Variants in SDK1 observed in about 807,000 individuals in gnomAD.
The protein encoded by SDK1 is sidekick cell adhesion molecule 1, also known as protein sidekick-1.
A neutral mutation model predicts 245.5 loss-of-function variants in SDK1; 157 were observed. That is an observed-to-expected ratio of 0.64 (90% confidence interval 0.56 to 0.73). The LOEUF is 0.73. Ranked by LOEUF, SDK1 falls within the 30% of genes least tolerant of loss-of-function variation. The pLI, the probability that SDK1 is intolerant of heterozygous loss-of-function variation, is 0.00. For missense variants in SDK1, 3,583 were observed against 3,002.3 expected (o/e 1.19, Z -4.52); for synonymous variants, 1,647 against 1,278.5 (o/e 1.29, Z -6.15).
At chr7:3,371,573 G>A (rs1251898829) in intron 1 of SDK1, among the ~76,000 whole-genome samples, 5 of 152,126 alleles carry the variant, frequency 3.3e-5, no homozygotes, top group African/African-American at 1.2e-4. Flanking sequence ...AGAATGCGAG[G>A]AAACCAAAAC....
At chr7:4,091,489 C>T (rs1342017437) in intron 22 of SDK1, among the ~76,000 whole-genome samples, 4 of 151,768 alleles carry the variant, frequency 2.6e-5, no homozygotes, top group African/African-American at 7.3e-5. Context: ...ATGATAGGCA[C>T]GTACCACCAC....
intron 5 of SDK1, among the ~76,000 whole-genome samples, chr7:3,913,363 G>C (rs409171): frequency 6.7e-6 from 1 of 149,084 alleles, no homozygotes; most frequent in Non-Finnish European, 1.5e-5. Context: ...GCACGATCTC[G>C]GCTCACTGCA....
intron 5 of SDK1, among the ~76,000 whole-genome samples, chr7:3,942,595 A>AG (rs1004934610): frequency 6.6e-5 from 10 of 151,972 alleles, no homozygotes; most frequent in African/African-American, 2.4e-4. Flanking sequence ...TGTGTTTTAA[A>AG]AAAATGTTTT....
At chr7:3,974,642 T>G in intron 13 of SDK1, 97 bp downstream of exon 13, 1 of 1,222,808 alleles carries the variant, frequency 8.2e-7, no homozygotes, top group Non-Finnish European at 1.2e-6. Flanking sequence ...ACGCCCGGCT[T>G]GTGTCCCAAG....
chr7:4,267,929 G>A lies in SDK1; in HGVS notation c.*2545G>A. ...AAGGAACAGAGCTGGATGTTTCCAG[G>A]TAGATTTTGGCCTCCCAGAGCAATG... On this transcript the variant is annotated 3_prime_UTR_variant, in exon 45 of 45. Coordinates refer to ENST00000404826, the MANE Select transcript of SDK1 (RefSeq NM_152744.4). The A allele has an allele frequency of 5.1e-6, 5 of 985,540 alleles. No homozygotes were observed. Among genetic ancestry groups the A allele is most frequent in the Non-Finnish European group, 6.0e-6 (5 of 830,008 alleles). The allele number at this position is 985,540 out of a possible 1,614,324, so 61.0% of individuals were successfully genotyped here. A position where few individuals can be genotyped will look rare whatever the true frequency, so the allele number is the denominator to read the frequency against.
intron 1 of SDK1, among the ~76,000 whole-genome samples, chr7:3,612,760 C>T (rs1467231643): frequency 6.6e-6 from 1 of 152,166 alleles, no homozygotes; most frequent in Non-Finnish European, 1.5e-5. Flanking sequence ...TCAGTAATAA[C>T]CTGCCCTGGC....
rs1362679636 is a variant in SDK1, at chr7:3,307,752, A to G, written c.298+5868A>G. Among the ~76,000 whole-genome samples, 4 of 152,308 alleles carry G rather than the reference A, an allele frequency of 2.6e-5. No homozygotes were observed. In the East Asian group the frequency reaches 7.7e-4, roughly 29 times the overall value. ...GGCTAAGTATCAGTAGGCCTCGTTT[A>G]TACTTCATTCTGTAACTACTGTGCA... is the stretch of plus-strand genomic sequence containing the variant. On this transcript the variant is annotated intron_variant, in intron 1 of 44. Coordinates refer to ENST00000404826, the MANE Select transcript of SDK1 (RefSeq NM_152744.4).
chr7:3,863,885 C>T (rs559192952), intron 5 of SDK1, among the ~76,000 whole-genome samples: 3 of 152,204 alleles, frequency 2.0e-5, no homozygotes, highest in Non-Finnish European at 2.9e-5. Context: ...GAATCTGCTG[C>T]TATGAACATG....
intron 1 of SDK1, among the ~76,000 whole-genome samples, chr7:3,350,565 T>C (rs114167837): frequency 0.011 from 1,678 of 152,326 alleles, 31 homozygotes; most frequent in African/African-American, 0.038. Flanking sequence ...TAATTGATTG[T>C]CTTTAACTTT....
chr7:3,571,270 G>A (rs1780106108), intron 1 of SDK1, among the ~76,000 whole-genome samples: 2 of 151,884 alleles, frequency 1.3e-5, no homozygotes, highest in Admixed American at 6.6e-5. Context: ...TCTTACTGTA[G>A]ATTATCTTTG....
At chr7:3,302,021 G>A in intron 1 of SDK1, 137 bp downstream of exon 1, 1 of 574,000 alleles carries the variant, frequency 1.7e-6, no homozygotes, top group Non-Finnish European at 2.3e-6. Flanking sequence ...GCTCTAGGGA[G>A]CCCAGGGGCT....
chr7:3,983,140 C>A (rs775100036), intron 13 of SDK1, among the ~76,000 whole-genome samples: 1 of 152,114 alleles, frequency 6.6e-6, no homozygotes, highest in East Asian at 1.9e-4. Context: ...GCAAAGATAC[C>A]GTGAACATTG....
intron 17 of SDK1, among the ~76,000 whole-genome samples, chr7:4,044,499 A>G (rs2128163879): frequency 6.6e-6 from 1 of 152,272 alleles, no homozygotes; most frequent in Non-Finnish European, 1.5e-5. Flanking sequence ...CTTGGAGTGC[A>G]GTGGCAGGAG....
chr7:3,655,963 A>G (rs1299903911), intron 4 of SDK1, among the ~76,000 whole-genome samples: 1 of 152,208 alleles, frequency 6.6e-6, no homozygotes, highest in African/African-American at 2.4e-5. Context: ...TATTTGATAA[A>G]TTGAATATAC....
chr7:4,201,510 A>G (rs920761130), intron 35 of SDK1, among the ~76,000 whole-genome samples: 1 of 152,244 alleles, frequency 6.6e-6, no homozygotes, highest in Admixed American at 6.5e-5. Context: ...ATTAACATTG[A>G]TTCTCAAATT....
chr7:4,140,571 C>T (rs1779516756), intron 28 of SDK1, among the ~76,000 whole-genome samples: 1 of 145,246 alleles, frequency 6.9e-6, no homozygotes, highest in Admixed American at 6.8e-5. Flanking sequence ...CATACTGCAG[C>T]AGGGGGGAGC....
chr7:3,579,827 A>C (rs947570473), intron 1 of SDK1, among the ~76,000 whole-genome samples: 2 of 152,230 alleles, frequency 1.3e-5, no homozygotes, highest in East Asian at 1.9e-4. Flanking sequence ...CTTTGTTTGC[A>C]GGTGACATGA....
At chr7:3,423,299 G>A (rs996549839) in intron 1 of SDK1, among the ~76,000 whole-genome samples, 5 of 152,298 alleles carry the variant, frequency 3.3e-5, no homozygotes, top group African/African-American at 9.6e-5. Context: ...ACCAGGCCCT[G>A]AATTTTCTGT....
At chr7:3,679,340 G>A (rs1784024061) in intron 4 of SDK1, among the ~76,000 whole-genome samples, 1 of 152,120 alleles carries the variant, frequency 6.6e-6, no homozygotes, top group Non-Finnish European at 1.5e-5. Flanking sequence ...GCCGAGGCGG[G>A]TGGATCACGA....
Sources: gnomAD v4.1 joint callset for allele counts (sites outside exome capture counted in the v4.1 genomes callset) on GRCh38, gnomAD v4.1.1 for gene constraint, MANE v1.5 for transcripts, NCBI Gene and HGNC (gene_info 2026-07-23, HGNC 2026-07-21) for gene names.